The following NXPE2 variants were observed in gnomAD, a reference collection of about 807,000 sequenced individuals.
The protein encoded by NXPE2 is NXPE family member 2.
A neutral mutation model predicts 34.4 loss-of-function variants in NXPE2; 34 were observed. The ratio of observed to expected loss-of-function variants is 0.99; its 90% CI spans 0.75 to 1.31. The LOEUF (loss-of-function observed/expected upper bound fraction) is 1.31. Ranked by LOEUF, NXPE2 falls within the 40% of genes most tolerant of loss-of-function variation. The probability of loss-of-function intolerance (pLI) is 0.00; values close to 1 mark genes in which losing one functional copy is unlikely to be tolerated. For synonymous variants in NXPE2, 235 were observed against 231.3 expected (o/e 1.02, Z -0.15); for missense variants, 649 against 672.5 (o/e 0.97, Z 0.39).
At chr11:114,746,569 G>T in the NXPE2 span, among the ~76,000 whole-genome samples, 2 of 152,048 alleles carry the variant, frequency 1.3e-5, no homozygotes, top group East Asian at 3.9e-4. Flanking sequence ...GGGAACACCT[G>T]GGCTGGGCAT....
chr11:114,781,286 G>C, the NXPE2 span, among the ~76,000 whole-genome samples: 1 of 152,266 alleles, frequency 6.6e-6, no homozygotes, highest in Non-Finnish European at 1.5e-5. Flanking sequence ...GGCTCCAAGG[G>C]AGCAGGGCAC....
the NXPE2 span, among the ~76,000 whole-genome samples, chr11:114,782,258 G>A: frequency 6.6e-6 from 1 of 152,196 alleles, no homozygotes; most frequent in Admixed American, 6.5e-5. Context: ...AGCTGACCGT[G>A]TATCTATTCC....
At chr11:114,538,034 C>A in the NXPE2 span, among the ~76,000 whole-genome samples, 8 of 152,310 alleles carry the variant, frequency 5.3e-5, no homozygotes, top group South Asian at 2.1e-4. Flanking sequence ...AACTATACTA[C>A]AAGGCTACAG....
chr11:114,584,541 G>A, the NXPE2 span: 1 of 165,022 alleles, frequency 6.1e-6, no homozygotes, highest in African/African-American at 2.4e-5. Flanking sequence ...GGGAGAGCGT[G>A]GCTGCAAGAT....
At chr11:114,805,328 CAGACAGTAGGTGCA>C in the NXPE2 span, among the ~76,000 whole-genome samples, 3 of 152,038 alleles carry the variant, frequency 2.0e-5, no homozygotes, top group Admixed American at 6.5e-5. Context: ...TGGGGAGTGC[CAGACAGTAGGTGCA>C]GGACAGTGGG....
At chr11:114,689,755 T>C (rs1244533545) in intron 2 of NXPE2, among the ~76,000 whole-genome samples, 3 of 152,172 alleles carry the variant, frequency 2.0e-5, no homozygotes, top group Admixed American at 2.0e-4. Context: ...GAAGTAATTG[T>C]TTTATAAACC....
the NXPE2 span, among the ~76,000 whole-genome samples, chr11:114,726,264 C>T: frequency 1.3e-5 from 2 of 152,022 alleles, no homozygotes; most frequent in Admixed American, 1.3e-4. Flanking sequence ...TGTTATATGC[C>T]AGTCTTTCCT....
the NXPE2 span, among the ~76,000 whole-genome samples, chr11:114,495,770 G>A: frequency 1.3e-5 from 2 of 152,168 alleles, no homozygotes; most frequent in African/African-American, 2.4e-5. Context: ...AACGCAAGGG[G>A]TTCCCTTATT....
At chr11:114,779,680 A>G in the NXPE2 span, among the ~76,000 whole-genome samples, 1 of 152,108 alleles carries the variant, frequency 6.6e-6, no homozygotes, top group African/African-American at 2.4e-5. Context: ...GAGTAAACAG[A>G]GAAAGTGAGA....
chr11:114,602,325 T>C, the NXPE2 span, among the ~76,000 whole-genome samples: 580 of 86,088 alleles, frequency 6.7e-3, 4 homozygotes, highest in African/African-American at 0.018. Context: ...TATATTATAC[T>C]ATATATATGT....
chr11:114,805,393 G>A, the NXPE2 span, among the ~76,000 whole-genome samples: 11 of 152,196 alleles, frequency 7.2e-5, no homozygotes, highest in Admixed American at 5.9e-4. Flanking sequence ...GCAAGGCATC[G>A]CCTCACCCGG....
chr11:114,537,615 C>G, the NXPE2 span, among the ~76,000 whole-genome samples: 1 of 152,156 alleles, frequency 6.6e-6, no homozygotes, highest in Non-Finnish European at 1.5e-5. Flanking sequence ...GCAAAAATCA[C>G]GAGCATTCTT....
At chr11:114,530,856 G>A in the NXPE2 span, 35 of 1,613,692 alleles carry the variant, frequency 2.2e-5, no homozygotes, top group South Asian at 1.3e-4. Flanking sequence ...TAAGGACTTT[G>A]CGGAGTTGTT....
chr11:114,517,679 G>T, the NXPE2 span, among the ~76,000 whole-genome samples: 1 of 152,206 alleles, frequency 6.6e-6, no homozygotes, highest in African/African-American at 2.4e-5. Context: ...GATCACAGCT[G>T]TGCATCTCCA....
At chr11:114,602,227 TTATA>T in the NXPE2 span, among the ~76,000 whole-genome samples, 14,934 of 113,152 alleles carry the variant, frequency 0.13, 1,216 homozygotes, top group East Asian at 0.37. Flanking sequence ...ATGTTATAGA[TTATA>T]TATTATACTA....
At chr11:114,580,328 A>C in the NXPE2 span, 1 of 1,613,876 alleles carries the variant, frequency 6.2e-7, no homozygotes, top group Admixed American at 1.7e-5. Context: ...CTTTCATTGC[A>C]ACTGTTTCTT....
chr11:114,474,686 AG>A, the NXPE2 span, among the ~76,000 whole-genome samples: 2 of 152,224 alleles, frequency 1.3e-5, no homozygotes, highest in Non-Finnish European at 2.9e-5. Flanking sequence ...TATTAAAAAA[AG>A]AAGCTTTGCA....
At chr11:114,749,325 A>AT in the NXPE2 span, among the ~76,000 whole-genome samples, 2 of 152,220 alleles carry the variant, frequency 1.3e-5, no homozygotes, top group East Asian at 3.9e-4. Flanking sequence ...ATGTATATGT[A>AT]TATAATGTAT....
At chr11:114,594,843 T>A in the NXPE2 span, 13 of 806,784 alleles carry the variant, frequency 1.6e-5, no homozygotes, top group Non-Finnish European at 2.6e-5. Context: ...TGGGAAACAT[T>A]TGAAATTTTT....
Sources: gnomAD v4.1 joint callset for allele counts (sites outside exome capture counted in the v4.1 genomes callset) on GRCh38, gnomAD v4.1.1 for gene constraint, MANE v1.5 for transcripts, NCBI Gene and HGNC (gene_info 2026-07-23, HGNC 2026-07-21) for gene names.